Variants in ANKH observed in about 807,000 individuals in gnomAD.
The protein encoded by ANKH is mineralization regulator ANKH.
Under a neutral mutation model 49.0 loss-of-function variants are expected in ANKH, and 15 were observed. The ratio of observed to expected loss-of-function variants is 0.31; its 90% CI spans 0.20 to 0.47. ANKH has a LOEUF of 0.47. Among genes scored for constraint, ANKH ranks in the 20% least tolerant of loss-of-function variants. The pLI is 1.00. For synonymous variants in ANKH, 273 were observed against 260.0 expected, an observed-to-expected ratio of 1.05 and a Z score of -0.48; for missense variants, 429 against 652.0, an observed-to-expected ratio of 0.66 and a Z score of 3.72.
At chr5:14,773,353 CTTTTTTTTTTTT>C (rs71603741) in intron 1 of ANKH, among the ~76,000 whole-genome samples, 15 of 77,002 alleles carry the variant, frequency 1.9e-4, no homozygotes, top group Middle Eastern at 0.026. Context: ...GCAAAGCATT[CTTTTTTTTTTTT>C]TTTTTTTTTT....
chr5:14,830,363 C>G (rs370937839), intron 1 of ANKH, among the ~76,000 whole-genome samples: 1 of 152,034 alleles, frequency 6.6e-6, no homozygotes, highest in Non-Finnish European at 1.5e-5. Flanking sequence ...CCGAAGGTGG[C>G]GACAGCATGA....
At chr5:14,715,761 A>G (rs1737427805) in intron 9 of ANKH, among the ~76,000 whole-genome samples, 1 of 152,220 alleles carries the variant, frequency 6.6e-6, no homozygotes, top group African/African-American at 2.4e-5. Context: ...ATACTAATCA[A>G]CCATTCTGCA....
intron 8 of ANKH, among the ~76,000 whole-genome samples, chr5:14,733,169 G>A (rs576059029): frequency 1.2e-4 from 18 of 152,350 alleles, no homozygotes; most frequent in South Asian, 8.3e-4. Context: ...CGGATTCATA[G>A]TGAGCAGGTT....
rs398961 is a variant in ANKH, at chr5:14,824,063, T to C, written c.96+47289A>G. On this transcript the variant is annotated intron_variant, in intron 1 of 11. Transcript: ENST00000284268. ...ACCAAGAGTCTGCAGAGCCCTCAGATAGCTGTGACTGCAGACAAAAACCCA... is the reference window on the plus strand; with the variant it reads ...ACCAAGAGTCTGCAGAGCCCTCAGACAGCTGTGACTGCAGACAAAAACCCA... Among the ~76,000 whole-genome samples, 281 of 152,130 alleles carry C rather than the reference T, an allele frequency of 1.8e-3. 1 individual carries two copies. Among genetic ancestry groups the C allele is most frequent in the African/African-American group, 6.4e-3 (266 of 41,494 alleles).
rs1008713873 is a variant in ANKH at position 14,710,147 on chromosome 5, T to G, written c.*1050A>C. The G allele has an allele frequency of 2.0e-5, 3 of 152,196 alleles. No individual in the cohort carries two copies. The highest frequency in any genetic ancestry group is 4.4e-5 in the Non-Finnish European group (3 of 68,030). 9.4% of individuals were successfully genotyped at this position (152,196 alleles called of 1,614,324 possible). A position where few individuals can be genotyped will look rare whatever the true frequency, so the allele number is the denominator to read the frequency against. On this transcript the variant is annotated 3_prime_UTR_variant, in exon 12 of 12. Coordinates refer to ENST00000284268, the MANE Select transcript of ANKH (RefSeq NM_054027.6). ...TGTGGGAGGGAAGTACCGTAGTACA[T>G]TCTCAATTACCTGTACCGCAGAGTT...
rs35971379 is a variant in ANKH, at chr5:14,745,705, G to C, written c.915+165C>G. On this transcript the variant is annotated intron_variant, in intron 7 of 11. Transcript: ENST00000284268. This position sits in a 1 kb window ranked among gnomAD's most constrained non-coding sequence, Gnocchi z 4.7. Reference sequence around the variant, plus strand: ...CAAAGGTAAGCTTCAACTTGCCCCTGTTATTTTCTGAGGAAAATATTCCTT... The same window carrying C: ...CAAAGGTAAGCTTCAACTTGCCCCTCTTATTTTCTGAGGAAAATATTCCTT... 1.3e-5 allele frequency among the ~76,000 whole-genome samples: 2 copies of C among 151,910 alleles called. No homozygotes were observed. Among genetic ancestry groups the C allele is most frequent in the African/African-American group, 4.8e-5 (2 of 41,344 alleles).
rs1045096113 is a variant in ANKH at position 14,828,400 on chromosome 5, G to A, written c.96+42952C>T. Among the ~76,000 whole-genome samples the A allele has an allele frequency of 5.3e-5, 8 of 152,014 alleles. 1 individual carries two copies. The highest frequency in any genetic ancestry group is 1.0e-4 in the Non-Finnish European group (7 of 67,998). ...CCAGGCATGGTGGTGGGTGCCTGGC[G>A]CCTGTAATCCCAGCTACTCAGGAGG... On this transcript the variant is annotated intron_variant, in intron 1 of 11. Coordinates refer to ENST00000284268, the MANE Select transcript of ANKH (RefSeq NM_054027.6).
intron 1 of ANKH, chr5:14,797,070 C>T (rs1740412506): frequency 3.0e-6 from 4 of 1,318,840 alleles, no homozygotes; most frequent in East Asian, 2.9e-5. Context: ...AAATCACTCT[C>T]GGGGTTGAGA....
At chr5:14,844,900 GA>G (rs1741912775) in intron 1 of ANKH, among the ~76,000 whole-genome samples, 2 of 152,286 alleles carry the variant, frequency 1.3e-5, no homozygotes, top group South Asian at 4.1e-4. Flanking sequence ...CTTTCGGGAG[GA>G]TTGGAGCCAT....
At chr5:14,791,124 C>G (rs1320484230) in intron 1 of ANKH, among the ~76,000 whole-genome samples, 6 of 152,216 alleles carry the variant, frequency 3.9e-5, no homozygotes, top group Non-Finnish European at 5.9e-5. Flanking sequence ...ACTTTGGCCT[C>G]TAAACCCAGC....
chr5:14,871,488 C>CAGAGTCCCCTCGCGGCA lies in ANKH; in HGVS notation c.-42_-41insTGCCGCGAGGGGACTCT. 6.5e-7 allele frequency: 1 copy of CAGAGTCCCCTCGCGGCA among 1,548,736 alleles called. No individual in the cohort carries two copies. On this transcript the variant is annotated 5_prime_UTR_variant, in exon 1 of 12. Coordinates refer to ENST00000284268, the MANE Select transcript of ANKH (RefSeq NM_054027.6). ...CTGACCCCACACACATCTGCTGCCG[C>CAGAGTCCCCTCGCGGCA]GAGGGGACTCTGCGGGGAGGCGAGG...
intron 1 of ANKH, among the ~76,000 whole-genome samples, chr5:14,780,715 T>C (rs763145794): frequency 6.6e-6 from 1 of 152,184 alleles, no homozygotes; most frequent in African/African-American, 2.4e-5. Context: ...AATACTTCCT[T>C]TACTTGCCTC....
At chr5:14,774,476 C>A (rs903947959) in intron 1 of ANKH, among the ~76,000 whole-genome samples, 13 of 152,070 alleles carry the variant, frequency 8.5e-5, no homozygotes, top group African/African-American at 3.1e-4. Context: ...CGCGCTCTGT[C>A]GCCCAGTCTG....
chr5:14,740,720 C>T (rs564116837), intron 8 of ANKH, among the ~76,000 whole-genome samples: 14 of 152,270 alleles, frequency 9.2e-5, no homozygotes, highest in Non-Finnish European at 1.3e-4. Context: ...TTAAAATGTA[C>T]GCAGGCCTTG....
rs1579995200 is a variant in ANKH, at chr5:14,711,236, C to G, written c.1440G>C (p.Glu480Asp). 1 of 1,614,152 alleles carries G rather than the reference C, an allele frequency of 6.2e-7. No individual in the cohort carries two copies. Among genetic ancestry groups the G allele is most frequent in the Non-Finnish European group, 8.5e-7 (1 of 1,180,020 alleles). Residue 480 changes from glutamate to aspartate, a missense_variant, in exon 12 of 12, where the codon GAG becomes GAC. This residue lies in a region of ANKH where 51 missense variants were observed against 36.7 expected (regional missense o/e 1.39). Transcript: ENST00000284268. ...CTCTCATTTCCACGATGTCTGTCAC[C>G]TCCTCTGTCGGAGGCATGTCTGTCA... The part of the protein sequence containing the change: ...SAMTDMPPTE[E>D]VTDIVEMREE...
chr5:14,812,157 TAAGTTTGAAAAACTACCA>T (rs1457873103), intron 1 of ANKH, among the ~76,000 whole-genome samples: 1 of 147,568 alleles, frequency 6.8e-6, no homozygotes, highest in African/African-American at 2.5e-5. Context: ...AGGATCCTAA[TAAGTTTGAAAAACTACCA>T]AGGGAAAACA....
At chr5:14,821,097 T>TAAA (rs34183956) in intron 1 of ANKH, among the ~76,000 whole-genome samples, 211 of 146,942 alleles carry the variant, frequency 1.4e-3, no homozygotes, top group South Asian at 6.3e-3. Context: ...GACCCTGTCT[T>TAAA]AAAAAAAAAA....
At chr5:14,804,798 G>A (rs913994122) in intron 1 of ANKH, among the ~76,000 whole-genome samples, 4 of 152,170 alleles carry the variant, frequency 2.6e-5, no homozygotes, top group African/African-American at 4.8e-5. Flanking sequence ...AGACTGGATG[G>A]GGAATCCCCA....
chr5:14,779,190 C>T (rs1474522926), intron 1 of ANKH, among the ~76,000 whole-genome samples: 1 of 152,170 alleles, frequency 6.6e-6, no homozygotes, highest in Non-Finnish European at 1.5e-5. Context: ...GAGTGTGGGG[C>T]CATCCATCTG....
Sources: gnomAD v4.1 joint callset for allele counts (sites outside exome capture counted in the v4.1 genomes callset) on GRCh38, gnomAD v4.1.1 for gene constraint, gnomAD v4.1.1 regional missense constraint, Gnocchi (gnomAD v3.1) non-coding constraint, MANE v1.5 for transcripts, NCBI Gene and HGNC (gene_info 2026-07-23, HGNC 2026-07-21) for gene names.